FYCO1: variants seen among roughly 807,000 people sequenced by gnomAD.
FYCO1 encodes the protein FYVE and coiled-coil domain-containing protein 1.
In FYCO1, 122 loss-of-function variants were observed where a neutral mutation model predicts 165.1. That is an observed-to-expected ratio of 0.74 (90% CI 0.64 to 0.86). The LOEUF (loss-of-function observed/expected upper bound fraction) is 0.86. Ranked by LOEUF, FYCO1 falls within the 40% of genes least tolerant of loss-of-function variation. The pLI, the probability that FYCO1 is intolerant of heterozygous loss-of-function variation, is 0.00. For missense variants in FYCO1, 1,702 were observed against 1,810.3 expected, an observed-to-expected ratio of 0.94 and a Z score of 1.09; for synonymous variants, 648 against 742.5, an observed-to-expected ratio of 0.87 and a Z score of 2.07.
In FYCO1 at chr3:45,985,021, A is replaced by C. The variant is rs1707244247; in HGVS notation, c.-111T>G. 2.0e-6 allele frequency: 2 copies of C among 985,018 alleles called. No homozygotes were observed. Among genetic ancestry groups the C allele is most frequent in the Admixed American group, 3.5e-5 (2 of 57,752 alleles). 61.0% of individuals were successfully genotyped at this position (985,018 alleles called of 1,614,324 possible). On this transcript the variant is annotated splice_region_variant and 5_prime_UTR_variant, in exon 2 of 18. Coordinates refer to ENST00000296137, the MANE Select transcript of FYCO1 (RefSeq NM_024513.4). ...AGCAGTGGTCAGACTCCATGGTGGC[A>C]CCTGCACAGAGGAAGGGGAGGCCAT...
intron 4 of FYCO1, 22 bp downstream of exon 4, chr3:45,979,683 G>T (rs1261817876): frequency 6.2e-7 from 1 of 1,613,350 alleles, no homozygotes; most frequent in Admixed American, 1.7e-5. Context: ...ACATGAAGTT[G>T]TTGGCTGCTT....
chr3:45,932,821 C>A (rs529130530), intron 15 of FYCO1, among the ~76,000 whole-genome samples: 2 of 152,280 alleles, frequency 1.3e-5, no homozygotes, highest in Admixed American at 6.5e-5. Flanking sequence ...AATTAAGAAC[C>A]CTCGACCAAC....
chr3:45,975,315 A>G lies in FYCO1; in HGVS notation c.319T>C (p.Phe107Leu). The G allele has an allele frequency of 6.2e-7, 1 of 1,614,128 alleles. No homozygotes were observed. Among genetic ancestry groups the G allele is most frequent in the Non-Finnish European group, 8.5e-7 (1 of 1,179,968 alleles). The change falls in exon 5 of 18, where the codon TTT (phenylalanine) becomes CTT (leucine). Residue 107 changes from phenylalanine to leucine, a missense_variant. By Grantham distance (22) the Phe-to-Leu change is conservative. Coordinates refer to ENST00000296137, the MANE Select transcript of FYCO1 (RefSeq NM_024513.4). Reference sequence around the variant, plus strand: ...TGGTGCACCAAGGAGTAGCGAATAAATGCTCTTCCTTTCCCCAAGGATGTT... The same window carrying G: ...TGGTGCACCAAGGAGTAGCGAATAAGTGCTCTTCCTTTCCCCAAGGATGTT... The part of the protein sequence containing the change: ...LRTSLGKGRA[F>L]IRYSLVHQRL...
chr3:45,984,243 T>C (rs1039830213), intron 2 of FYCO1, among the ~76,000 whole-genome samples: 1 of 152,228 alleles, frequency 6.6e-6, no homozygotes, highest in African/African-American at 2.4e-5. Context: ...AAGAAAATAG[T>C]CCGTTTCTCC....
chr3:45,963,898 G>A (rs1201137356), intron 10 of FYCO1, among the ~76,000 whole-genome samples: 3 of 152,182 alleles, frequency 2.0e-5, no homozygotes, highest in African/African-American at 4.8e-5. Flanking sequence ...CCATAAAATG[G>A]GGATAGATGA....
At chr3:45,951,148 G>C (rs1704997210) in intron 14 of FYCO1, among the ~76,000 whole-genome samples, 1 of 152,154 alleles carries the variant, frequency 6.6e-6, no homozygotes, top group African/African-American at 2.4e-5. Flanking sequence ...AGGTACTGAG[G>C]TGGTAGCAGT....
At chr3:45,953,457 T>C (rs767109469) in intron 14 of FYCO1, among the ~76,000 whole-genome samples, 7 of 152,248 alleles carry the variant, frequency 4.6e-5, no homozygotes, top group Non-Finnish European at 1.0e-4. Flanking sequence ...CCTTTTCTTA[T>C]GGGTCCCATG....
At chr3:45,984,742 A>G in intron 2 of FYCO1, 114 bp downstream of exon 2, 7 of 1,058,234 alleles carry the variant, frequency 6.6e-6, no homozygotes, top group Non-Finnish European at 1.0e-5. Flanking sequence ...TGAGGACTCC[A>G]ATTACTCGTT....
At chr3:45,969,321 A>T (rs917260331) in intron 7 of FYCO1, among the ~76,000 whole-genome samples, 1 of 152,256 alleles carries the variant, frequency 6.6e-6, no homozygotes, top group Non-Finnish European at 1.5e-5. Context: ...ATGAGCTAGA[A>T]TGAGTTTTAT....
chr3:45,947,619 G>A (rs1347521775), intron 14 of FYCO1: 1 of 819,574 alleles, frequency 1.2e-6, no homozygotes, highest in Non-Finnish European at 2.0e-6. Context: ...TCATGGAGAA[G>A]TTATCAGACA....
intron 14 of FYCO1, among the ~76,000 whole-genome samples, chr3:45,954,120 T>C (rs1705180705): frequency 6.6e-6 from 1 of 152,216 alleles, no homozygotes; most frequent in Non-Finnish European, 1.5e-5. Flanking sequence ...GAAGCAAGCT[T>C]ATCCAACCTG....
In FYCO1 at chr3:45,993,634, C is replaced by T. The variant is rs1432111489; in HGVS notation, c.-113+2088G>A. ...CAGTCATGACGTGAGCAGATGTTGC[C>T]CTGACCATAATGGACTCATCTGTGC... On this transcript the variant is annotated intron_variant, in intron 1 of 17. Coordinates refer to ENST00000296137, the MANE Select transcript of FYCO1 (RefSeq NM_024513.4). This position sits in a 1 kb window ranked among gnomAD's most constrained non-coding sequence, Gnocchi z 4.4. Among the ~76,000 whole-genome samples, 1 of 152,158 alleles carries T rather than the reference C, an allele frequency of 6.6e-6. No individual in the cohort carries two copies. Among genetic ancestry groups the T allele is most frequent in the African/African-American group, 2.4e-5 (1 of 41,406 alleles).
chr3:45,981,533 C>A (rs573921370), intron 3 of FYCO1, 37 bp downstream of exon 3: 55 of 1,261,786 alleles, frequency 4.4e-5, no homozygotes, highest in Non-Finnish European at 5.8e-5. Flanking sequence ...AAAAGAGATA[C>A]CAGTGCAAAA....
At chr3:45,991,500 G>C (rs1336012275) in intron 1 of FYCO1, among the ~76,000 whole-genome samples, 4 of 152,088 alleles carry the variant, frequency 2.6e-5, no homozygotes, top group African/African-American at 7.2e-5. Context: ...GCATCCCTGC[G>C]ATGCCCTTCT....
chr3:45,959,677 GC>G, intron 11 of FYCO1, 135 bp from the exon 12 acceptor site: 1 of 928,610 alleles, frequency 1.1e-6, no homozygotes, highest in Non-Finnish European at 1.7e-6. Context: ...TTGGAAATAT[GC>G]CCCAGCCCAT....
At position 45,968,455 on chromosome 3, in the gene FYCO1, G is replaced by C. The variant is rs1431528450; in HGVS notation, c.879C>G (p.Cys293Trp). 6.2e-7 allele frequency: 1 copy of C among 1,613,892 alleles called. No homozygotes were observed. Among genetic ancestry groups the C allele is most frequent in the Non-Finnish European group, 8.5e-7 (1 of 1,180,052 alleles). ...ACTGCTTCTGGAGCTCAGCTACCAA[G>C]CAAGTGAGGCGAACGTTGTCCTCCG... is the stretch of plus-strand genomic sequence containing the variant. ...TAAEDNVRLT[C>W]LVAELQKQWE... Residue 293 changes from cysteine to tryptophan, a missense_variant, in exon 8 of 18, where the codon TGC becomes TGG. Transcript: ENST00000296137.
chr3:45,946,673 C>T (rs1704631501), intron 14 of FYCO1: 3 of 1,614,096 alleles, frequency 1.9e-6, no homozygotes, highest in Admixed American at 1.7e-5. Context: ...AGTTGCAGAG[C>T]CTGACGGATG....
Position 45,975,259 on chromosome 3 carries a change from G to A in FYCO1, c.375C>T (p.Phe125=), listed in dbSNP as rs772502094. The A allele has an allele frequency of 8.1e-6, 13 of 1,612,896 alleles. No homozygotes were observed. Among genetic ancestry groups the A allele is most frequent in the African/African-American group, 1.3e-5 (1 of 74,892 alleles). The stretch of plus-strand genomic sequence containing the variant: ...TTTACCTGGTCACTTTGGTGTTCAT[G>A]AAGCACTGCTGTAAGGTGTCTGCCA... ...QRLADTLQQC[F]MNTKVTSDWY... The change falls in exon 5 of 18, where the codon TTC becomes TTT. Residue 125 remains phenylalanine (F), a synonymous_variant. Coordinates refer to ENST00000296137, the MANE Select transcript of FYCO1 (RefSeq NM_024513.4).
chr3:45,989,658 T>C (rs779457362), intron 1 of FYCO1, among the ~76,000 whole-genome samples: 20 of 152,226 alleles, frequency 1.3e-4, no homozygotes, highest in Non-Finnish European at 2.6e-4. Flanking sequence ...CTCTCTTTCA[T>C]AAAGGGAATG....
Sources: gnomAD v4.1 joint callset for allele counts (sites outside exome capture counted in the v4.1 genomes callset) on GRCh38, gnomAD v4.1.1 for gene constraint, Gnocchi (gnomAD v3.1) non-coding constraint, MANE v1.5 for transcripts, NCBI Gene and HGNC (gene_info 2026-07-23, HGNC 2026-07-21) for gene names.